NXPE2: variants seen among roughly 807,000 people sequenced by gnomAD.
The protein encoded by NXPE2 is NXPE family member 2.
A neutral mutation model predicts 34.4 loss-of-function variants in NXPE2; 34 were observed. That is an observed-to-expected ratio of 0.99 (90% CI 0.75 to 1.31). NXPE2 has a LOEUF of 1.31. NXPE2 is among the 40% of genes most tolerant of loss of function. The pLI is 0.00. For missense variants in NXPE2, 649 were observed against 672.5 expected (o/e 0.97, Z 0.39); for synonymous variants, 235 against 231.3 (o/e 1.02, Z -0.15).
At chr11:114,553,343 T>C in the NXPE2 span, among the ~76,000 whole-genome samples, 1 of 152,224 alleles carries the variant, frequency 6.6e-6, no homozygotes, top group South Asian at 2.1e-4. Context: ...TGAATCTACC[T>C]ATCTTGGATT....
the NXPE2 span, among the ~76,000 whole-genome samples, chr11:114,608,293 A>G: frequency 4.6e-5 from 7 of 151,888 alleles, no homozygotes; most frequent in African/African-American, 1.7e-4. Flanking sequence ...CCAGTATTTA[A>G]TAAGTGTTGC....
At chr11:114,641,793 A>G in the NXPE2 span, among the ~76,000 whole-genome samples, 6 of 152,100 alleles carry the variant, frequency 3.9e-5, no homozygotes, top group African/African-American at 9.6e-5. Context: ...AGAAGCGATT[A>G]ATTTTCAAAA....
chr11:114,577,062 T>C, the NXPE2 span, among the ~76,000 whole-genome samples: 60 of 101,304 alleles, frequency 5.9e-4, no homozygotes, highest in African/African-American at 2.8e-3. Context: ...TATATACATA[T>C]ATATATATAA....
chr11:114,648,938 T>G, the NXPE2 span, among the ~76,000 whole-genome samples: 1 of 76,886 alleles, frequency 1.3e-5, no homozygotes. Context: ...GATAAGGGGA[T>G]AAGAGGAAAC....
the NXPE2 span, among the ~76,000 whole-genome samples, chr11:114,601,247 G>T: frequency 6.7e-6 from 1 of 149,578 alleles, no homozygotes; most frequent in African/African-American, 2.5e-5. Flanking sequence ...CCCTTCCCAT[G>T]CTCCCTCTTT....
At chr11:114,694,392 A>G (rs1792419) in intron 2 of NXPE2, among the ~76,000 whole-genome samples, 93,172 of 151,988 alleles carry the variant, frequency 0.61, 29,598 homozygotes, top group Non-Finnish European at 0.71. Context: ...TTTGATTTTT[A>G]GCAATTTGAA....
the NXPE2 span, among the ~76,000 whole-genome samples, chr11:114,755,114 C>G: frequency 6.6e-6 from 1 of 152,108 alleles, no homozygotes; most frequent in Non-Finnish European, 1.5e-5. Flanking sequence ...ATTGGTAACT[C>G]TATCATAGTG....
the NXPE2 span, among the ~76,000 whole-genome samples, chr11:114,488,053 T>A: frequency 1.3e-5 from 2 of 152,272 alleles, no homozygotes; most frequent in South Asian, 4.1e-4. Context: ...CCTCCTTTAT[T>A]TTTTGGAATA....
At chr11:114,720,452 T>C in the NXPE2 span, among the ~76,000 whole-genome samples, 13 of 152,224 alleles carry the variant, frequency 8.5e-5, no homozygotes, top group African/African-American at 3.1e-4. Flanking sequence ...TTTTCATATG[T>C]GTCGGGGTAG....
the NXPE2 span, among the ~76,000 whole-genome samples, chr11:114,666,846 A>G: frequency 2.0e-5 from 3 of 152,096 alleles, no homozygotes; most frequent in Admixed American, 2.0e-4. Context: ...GTCATAATGG[A>G]CAGAATTACC....
chr11:114,725,974 A>AT, the NXPE2 span, among the ~76,000 whole-genome samples: 7 of 32,810 alleles, frequency 2.1e-4, no homozygotes, highest in East Asian at 2.9e-3. Flanking sequence ...TAATAAAAAA[A>AT]AAATATATAT....
the NXPE2 span, among the ~76,000 whole-genome samples, chr11:114,733,197 C>T: frequency 2.6e-5 from 4 of 152,108 alleles, no homozygotes; most frequent in Admixed American, 6.6e-5. Context: ...CCCGGATTCA[C>T]GCCATTCTGT....
the NXPE2 span, among the ~76,000 whole-genome samples, chr11:114,808,563 C>T: frequency 1.2e-5 from 1 of 81,224 alleles, no homozygotes; most frequent in Non-Finnish European, 2.6e-5. Context: ...ATACTACAAA[C>T]ATCTCTACGC....
the NXPE2 span, among the ~76,000 whole-genome samples, chr11:114,470,607 G>C: frequency 1.3e-5 from 2 of 148,310 alleles, no homozygotes; most frequent in African/African-American, 2.6e-5. Context: ...GTGTGTGTGT[G>C]TGTGTGTGTG....
At chr11:114,799,537 CAGAG>C in the NXPE2 span, among the ~76,000 whole-genome samples, 2 of 152,190 alleles carry the variant, frequency 1.3e-5, no homozygotes, top group African/African-American at 2.4e-5. Context: ...AAGGAGGAAA[CAGAG>C]AGATTCCAAA....
chr11:114,628,577 C>A, the NXPE2 span, among the ~76,000 whole-genome samples: 12 of 149,148 alleles, frequency 8.0e-5, no homozygotes, highest in African/African-American at 1.2e-4. Flanking sequence ...AGGAAAGATC[C>A]AAAATTGACA....
At chr11:114,606,556 G>A in the NXPE2 span, among the ~76,000 whole-genome samples, 1 of 150,284 alleles carries the variant, frequency 6.7e-6, no homozygotes, top group Non-Finnish European at 1.5e-5. Context: ...GCCTCATGGG[G>A]AACCACTGTT....
chr11:114,665,812 T>A, the NXPE2 span, among the ~76,000 whole-genome samples: 1 of 152,152 alleles, frequency 6.6e-6, no homozygotes, highest in Non-Finnish European at 1.5e-5. Flanking sequence ...TCCCTTCCTA[T>A]CACATTACTG....
chr11:114,622,332 T>A, the NXPE2 span, among the ~76,000 whole-genome samples: 1 of 151,998 alleles, frequency 6.6e-6, no homozygotes, highest in Non-Finnish European at 1.5e-5. Context: ...TGTTACCCAA[T>A]GCATCATAAG....
Sources: allele counts gnomAD v4.1 joint callset (sites outside exome capture counted in the v4.1 genomes callset), GRCh38; gene constraint gnomAD v4.1.1; transcripts MANE v1.5; gene names NCBI Gene and HGNC (gene_info 2026-07-23, HGNC 2026-07-21).